Variants in CUEDC1 observed in about 807,000 individuals in gnomAD.
CUEDC1 encodes CUE domain-containing protein 1.
Under a neutral mutation model 43.7 loss-of-function variants are expected in CUEDC1, and 30 were observed. That is an observed-to-expected ratio of 0.69 (90% CI 0.51 to 0.93). The LOEUF is 0.93. Ranked by LOEUF, CUEDC1 falls within the 40% of genes least tolerant of loss-of-function variation. The pLI is 0.00. For synonymous variants in CUEDC1, 223 were observed against 223.6 expected, an observed-to-expected ratio of 1.00 and a Z score of 0.02; for missense variants, 486 against 549.0, an observed-to-expected ratio of 0.89 and a Z score of 1.15.
intron 1 of CUEDC1, among the ~76,000 whole-genome samples, chr17:57,938,623 C>T (rs1213144789): frequency 6.6e-6 from 1 of 151,976 alleles, no homozygotes; most frequent in Non-Finnish European, 1.5e-5. Context: ...TGGACAACAG[C>T]TTTTTATTTT....
chr17:57,862,464 C>G lies in CUEDC1; in HGVS notation c.*825G>C, dbSNP rs1019496125. 13 of 152,374 alleles carry G rather than the reference C, an allele frequency of 8.5e-5. No individual in the cohort carries two copies. Among genetic ancestry groups the G allele is most frequent in the African/African-American group, 3.1e-4 (13 of 41,452 alleles). 9.4% of individuals were successfully genotyped at this position (152,374 alleles called of 1,614,324 possible). On this transcript the variant is annotated 3_prime_UTR_variant, in exon 11 of 11. Coordinates refer to ENST00000577830, the MANE Select transcript of CUEDC1 (RefSeq NM_001271875.2). ...GTGAGCCCCTACTGTGGTGTGACTCCAGAACTGGCTTTTGTCTGCTGCCAA... is the reference window on the plus strand; with the variant it reads ...GTGAGCCCCTACTGTGGTGTGACTCGAGAACTGGCTTTTGTCTGCTGCCAA...
chr17:57,908,541 C>T (rs1025303036), intron 1 of CUEDC1, among the ~76,000 whole-genome samples: 7 of 152,192 alleles, frequency 4.6e-5, no homozygotes, highest in African/African-American at 1.4e-4. Flanking sequence ...TTGTGGTCAG[C>T]GGCAGCTCTG....
intron 2 of CUEDC1, among the ~76,000 whole-genome samples, chr17:57,884,564 C>T (rs1232144680): frequency 6.6e-6 from 1 of 152,202 alleles, no homozygotes; most frequent in African/African-American, 2.4e-5. Context: ...CTCTAGGACC[C>T]TGACAGATGG....
intron 1 of CUEDC1, among the ~76,000 whole-genome samples, chr17:57,899,834 C>T (rs1179310460): frequency 6.6e-6 from 1 of 152,174 alleles, no homozygotes; most frequent in Non-Finnish European, 1.5e-5. Flanking sequence ...CTTCTATACA[C>T]ACTCGCTAGT....
intron 1 of CUEDC1, among the ~76,000 whole-genome samples, chr17:57,924,435 C>T (rs1292826125): frequency 8.6e-6 from 1 of 115,700 alleles, no homozygotes; most frequent in African/African-American, 4.1e-5. Flanking sequence ...CTGCTCAAAA[C>T]TCTTAATCTC....
chr17:57,953,411 GC>G (rs1335986503), intron 1 of CUEDC1, among the ~76,000 whole-genome samples: 1 of 152,160 alleles, frequency 6.6e-6, no homozygotes, highest in Non-Finnish European at 1.5e-5. Flanking sequence ...ATGGCCACAA[GC>G]CCAAAGTTGC....
chr17:57,872,976 C>G, intron 4 of CUEDC1, 121 bp from the exon 5 acceptor site: 1 of 915,554 alleles, frequency 1.1e-6, no homozygotes, highest in Non-Finnish European at 1.6e-6. Context: ...ACCTGAGGCT[C>G]ACACCTCCTA....
At chr17:57,883,464 C>G (rs1568034901) in intron 2 of CUEDC1, among the ~76,000 whole-genome samples, 1 of 152,232 alleles carries the variant, frequency 6.6e-6, no homozygotes, top group Non-Finnish European at 1.5e-5. Context: ...TGGCTCATGC[C>G]TGTAATCCCA....
chr17:57,937,917 A>T (rs964437681), intron 1 of CUEDC1, among the ~76,000 whole-genome samples: 2 of 152,172 alleles, frequency 1.3e-5, no homozygotes, highest in Admixed American at 6.5e-5. Flanking sequence ...AAGAAAAACT[A>T]AAAAATAAAT....
chr17:57,900,974 T>A (rs746287529), intron 1 of CUEDC1, among the ~76,000 whole-genome samples: 1 of 152,220 alleles, frequency 6.6e-6, no homozygotes, highest in Non-Finnish European at 1.5e-5. Flanking sequence ...AGGTGTTTGC[T>A]AAGAACCCAT....
intron 6 of CUEDC1, among the ~76,000 whole-genome samples, chr17:57,870,182 C>T (rs1462514739): frequency 1.3e-5 from 2 of 152,222 alleles, no homozygotes; most frequent in Non-Finnish European, 2.9e-5. Context: ...AGCTTGTGTA[C>T]ATGTGGGGCA....
intron 7 of CUEDC1, 136 bp downstream of exon 7, chr17:57,868,986 G>T: frequency 1.2e-6 from 1 of 830,592 alleles, no homozygotes; most frequent in Non-Finnish European, 1.9e-6. Context: ...GAGGGAGCCA[G>T]CCTGCGATGA....
Position 57,868,155 on chromosome 17 carries a change from A to G in CUEDC1, c.1029T>C (p.His343=). The change falls in exon 8 of 11, where the codon CAT becomes CAC. Residue 343 remains histidine (H), a synonymous_variant. Coordinates refer to ENST00000577830, the MANE Select transcript of CUEDC1 (RefSeq NM_001271875.2). ...RKSKRKHLLK[H]QSLGAAASTA... is the part of the protein sequence containing the mutation. ...TGCCAGGCTGGAAAGGATACGACTG[A>G]TGCTTCAACAAGTGTTTCCTCTTTG... 1 of 1,613,630 alleles carries G rather than the reference A, an allele frequency of 6.2e-7. No individual in the cohort carries two copies. Among genetic ancestry groups the G allele is most frequent in the African/African-American group, 1.3e-5 (1 of 75,026 alleles).
chr17:57,888,194 C>T (rs911156017), intron 1 of CUEDC1, among the ~76,000 whole-genome samples: 3 of 152,130 alleles, frequency 2.0e-5, no homozygotes, highest in African/African-American at 2.4e-5. Context: ...TGAGCCACTG[C>T]GCCCGGCATT....
chr17:57,943,209 C>T (rs1435166832), intron 1 of CUEDC1, among the ~76,000 whole-genome samples: 1 of 152,164 alleles, frequency 6.6e-6, no homozygotes, highest in Non-Finnish European at 1.5e-5. Flanking sequence ...CCCAAAGCCC[C>T]TGGAGGGAAC....
In CUEDC1 at chr17:57,930,383, C is replaced by A. The variant is rs917715941; in HGVS notation, c.-316+24842G>T. On this transcript the variant is annotated intron_variant, in intron 1 of 10. Coordinates refer to ENST00000577830, the MANE Select transcript of CUEDC1 (RefSeq NM_001271875.2). The surrounding 1 kb of genome is among the most constrained non-coding windows in gnomAD (Gnocchi z 4.2). ...TGAGGAGGCCAGAAGGTAGCCCTTA[C>A]AAACACCTTTCCCCAACTCCAGGCT... Among the ~76,000 whole-genome samples the A allele has an allele frequency of 2.0e-5, 3 of 152,248 alleles. No individual in the cohort carries two copies. Among genetic ancestry groups the A allele is most frequent in the African/African-American group, 4.8e-5 (2 of 41,464 alleles).
intron 1 of CUEDC1, among the ~76,000 whole-genome samples, chr17:57,943,406 G>A (rs1330662873): frequency 6.6e-6 from 1 of 152,122 alleles, no homozygotes; most frequent in Non-Finnish European, 1.5e-5. Flanking sequence ...TGAGAAAAAG[G>A]GAAGTCACCC....
chr17:57,871,899 G>A (rs575081354), intron 5 of CUEDC1, among the ~76,000 whole-genome samples: 10 of 152,354 alleles, frequency 6.6e-5, no homozygotes, highest in Non-Finnish European at 1.5e-4. Flanking sequence ...ACTTCAGCCT[G>A]GGTGACAAGA....
At chr17:57,942,610 A>G (rs1436184525) in intron 1 of CUEDC1, among the ~76,000 whole-genome samples, 1 of 151,844 alleles carries the variant, frequency 6.6e-6, no homozygotes, top group African/African-American at 2.4e-5. Flanking sequence ...GCTGGTCTTG[A>G]ACTCCTGACC....
Sources: allele counts gnomAD v4.1 joint callset (sites outside exome capture counted in the v4.1 genomes callset), GRCh38; gene constraint gnomAD v4.1.1; non-coding constraint Gnocchi (gnomAD v3.1); transcripts MANE v1.5; gene names NCBI Gene and HGNC (gene_info 2026-07-23, HGNC 2026-07-21).